Variants in CCDC66 observed in about 807,000 individuals in gnomAD.
CCDC66 encodes the protein coiled-coil domain containing 66.
CCDC66 carries 133 observed loss-of-function variants against 128.3 expected under a neutral mutation model. That is an observed-to-expected ratio of 1.04 (90% CI 0.90 to 1.20). The LOEUF (loss-of-function observed/expected upper bound fraction) is 1.20. Ranked by LOEUF, CCDC66 falls within the 50% of genes most tolerant of loss-of-function variation. CCDC66 has a pLI of 0.00. For missense variants in CCDC66, 1,126 were observed against 1,075.5 expected (o/e 1.05, Z -0.66); for synonymous variants, 387 against 357.0 (o/e 1.08, Z -0.95).
In CCDC66 at chr3:56,566,985, C is replaced by T; in HGVS notation, c.746C>T (p.Thr249Ile). 6.2e-7 allele frequency: 1 copy of T among 1,614,042 alleles called. No individual in the cohort carries two copies. The highest frequency in any genetic ancestry group is 8.5e-7 in the Non-Finnish European group (1 of 1,179,984). Residue 249 changes from threonine to isoleucine, a missense_variant, in exon 6 of 18, where the codon ACT becomes ATT. Coordinates refer to ENST00000394672, the MANE Select transcript of CCDC66 (RefSeq NM_001141947.3). The stretch of plus-strand genomic sequence containing the variant: ...TGGAAACCAGCTGATATATTCAGTA[C>T]TCTGGGGGAAAGGGAATGTGATAGA... ...NEWKPADIFS[T>I]LGERECDRSS...
chr3:56,615,283 A>C lies in CCDC66; in HGVS notation c.1711+11A>C. On this transcript the variant is annotated intron_variant, in intron 12 of 17. Transcript: ENST00000394672. ...TTAAAAATCTTGGTGGTAAGGGCCT[A>C]ACCAGAACTTTATTTATAATATTTT... 1 of 1,584,342 alleles carries C rather than the reference A, an allele frequency of 6.3e-7. No individual in the cohort carries two copies. Among genetic ancestry groups the C allele is most frequent in the Non-Finnish European group, 8.5e-7 (1 of 1,169,984 alleles).
intron 10 of CCDC66, among the ~76,000 whole-genome samples, chr3:56,597,761 T>C (rs1197450081): frequency 6.8e-6 from 1 of 147,240 alleles, no homozygotes; most frequent in Non-Finnish European, 1.5e-5. Flanking sequence ...TTGTGGAGTC[T>C]AGGTTTTGTT....
rs772031242 is a variant in CCDC66 at position 56,618,148 on chromosome 3, TG to T, written c.2338-23del. The T allele has an allele frequency of 1.9e-6, 3 of 1,586,640 alleles. No homozygotes were observed. The East Asian group carries it at 6.7e-5, about 35-fold the overall frequency. ...TGTGAAGATGCTATATATTCCTTTC[TG>T]CATTTATCTATCCATATTTTAGGAA... On this transcript the variant is annotated intron_variant, in intron 14 of 17. Transcript: ENST00000394672.
intron 10 of CCDC66, among the ~76,000 whole-genome samples, chr3:56,595,785 T>G (rs2071775292): frequency 6.6e-6 from 1 of 152,230 alleles, no homozygotes. Flanking sequence ...CATTTTTAGT[T>G]TTTTGAGACG....
Position 56,559,578 on chromosome 3 carries a change from C to A in CCDC66, c.86C>A (p.Ser29Ter). Residue 29 changes from serine (S) to a stop codon, truncating the protein, a stop_gained, in exon 3 of 18, where the codon TCA becomes TAA. Transcript: ENST00000394672. LOFTEE classifies it high-confidence loss of function. The part of the protein sequence containing the change: ...KLILSPYEHK[S>*]KISVKMGNKA... ...CTTTTTTCTTTTGTAGAACATAAATCAAAAATTTCTGTGAAGGTAAGCCGT... is the reference window on the plus strand; with the variant it reads ...CTTTTTTCTTTTGTAGAACATAAATAAAAAATTTCTGTGAAGGTAAGCCGT... 1 of 1,535,862 alleles carries A rather than the reference C, an allele frequency of 6.5e-7. No homozygotes were observed. Among genetic ancestry groups the A allele is most frequent in the Non-Finnish European group, 8.8e-7 (1 of 1,139,556 alleles).
intron 10 of CCDC66, among the ~76,000 whole-genome samples, chr3:56,597,744 G>C (rs1442835907): frequency 7.6e-6 from 1 of 131,632 alleles, no homozygotes; most frequent in East Asian, 2.2e-4. Context: ...GATCAGATGT[G>C]AGGTTTTTGT....
At chr3:56,563,541 T>G in intron 3 of CCDC66, 143 bp from the exon 4 acceptor site, 1 of 612,974 alleles carries the variant, frequency 1.6e-6, no homozygotes, top group Non-Finnish European at 2.8e-6. Flanking sequence ...TTGCAAGTAT[T>G]AAGAGTTAGT....
chr3:56,579,101 C>A (rs906657323), intron 7 of CCDC66, among the ~76,000 whole-genome samples: 7 of 151,744 alleles, frequency 4.6e-5, no homozygotes, highest in African/African-American at 1.7e-4. Flanking sequence ...TGTTATTGGT[C>A]TATTCAGGGA....
At chr3:56,620,692 T>C (rs1379645068) in intron 17 of CCDC66, 3 of 152,232 alleles carry the variant, frequency 2.0e-5, no homozygotes, top group African/African-American at 7.2e-5. Flanking sequence ...GTTATTTCTT[T>C]AGAGTGACGA....
intron 10 of CCDC66, among the ~76,000 whole-genome samples, chr3:56,596,100 A>G (rs2071861569): frequency 6.6e-6 from 1 of 152,088 alleles, no homozygotes; most frequent in Non-Finnish European, 1.5e-5. Context: ...TTTTTCTTTT[A>G]TAGAGACACA....
intron 6 of CCDC66, among the ~76,000 whole-genome samples, chr3:56,567,939 C>G (rs987912637): frequency 6.6e-6 from 1 of 152,122 alleles, no homozygotes. Context: ...ATCCACCTGC[C>G]TCGGCCTCCC....
intron 10 of CCDC66, among the ~76,000 whole-genome samples, chr3:56,600,749 C>T (rs2107121465): frequency 6.6e-6 from 1 of 152,128 alleles, no homozygotes; most frequent in East Asian, 1.9e-4. Flanking sequence ...GAGCTTTTCT[C>T]CATATGTTTG....
At chr3:56,563,407 A>T (rs2065387741) in intron 3 of CCDC66, 3 of 256,642 alleles carry the variant, frequency 1.2e-5, no homozygotes, top group South Asian at 1.6e-4. Context: ...AAAAAAAAAA[A>T]GAGATAATGT....
chr3:56,583,701 C>T (rs1292232347), intron 7 of CCDC66, among the ~76,000 whole-genome samples: 2 of 151,928 alleles, frequency 1.3e-5, no homozygotes, highest in Non-Finnish European at 2.9e-5. Flanking sequence ...CTACTTCTTT[C>T]TACACAGACA....
intron 3 of CCDC66, among the ~76,000 whole-genome samples, chr3:56,561,619 T>G (rs1259203669): frequency 2.6e-5 from 4 of 152,250 alleles, no homozygotes; most frequent in African/African-American, 9.6e-5. Context: ...TATTGATTGT[T>G]TTCAAGAAGT....
intron 7 of CCDC66, among the ~76,000 whole-genome samples, chr3:56,576,563 C>G (rs192302591): frequency 1.6e-5 from 2 of 126,436 alleles, no homozygotes; most frequent in South Asian, 3.2e-4. Context: ...TCCCTCCCCC[C>G]ACCCCACGAC....
intron 10 of CCDC66, among the ~76,000 whole-genome samples, chr3:56,612,031 A>G (rs765642123): frequency 7.9e-5 from 12 of 152,112 alleles, no homozygotes; most frequent in Admixed American, 1.3e-4. Flanking sequence ...AAAATTCACA[A>G]TGCAAGCCTC....
chr3:56,577,994 A>G (rs958416961), intron 7 of CCDC66, among the ~76,000 whole-genome samples: 3 of 151,834 alleles, frequency 2.0e-5, no homozygotes, highest in Non-Finnish European at 2.9e-5. Context: ...CATTGAATCT[A>G]TACATTACTT....
rs1233272646 is a variant in CCDC66 at position 56,563,965 on chromosome 3, T to G, written c.384T>G (p.Ser128=). The part of the protein sequence containing the change: ...MQKTRNTVNT[S]LVGKQKPHKK... ...AGACTAGAAACACCGTAAATACATC[T>G]CTAGTAGGTAAACAGAAGCCTCACA... is the stretch of plus-strand genomic sequence containing the variant. The change falls in exon 4 of 18, where the codon TCT becomes TCG. Residue 128 remains serine, a synonymous_variant. Transcript: ENST00000394672. 6 of 1,613,942 alleles carry G rather than the reference T, an allele frequency of 3.7e-6. No homozygotes were observed. The South Asian group carries it at 6.6e-5, about 18-fold the overall frequency.
Sources: gnomAD v4.1 joint callset for allele counts (sites outside exome capture counted in the v4.1 genomes callset) on GRCh38, gnomAD v4.1.1 for gene constraint, MANE v1.5 for transcripts, NCBI Gene and HGNC (gene_info 2026-07-23, HGNC 2026-07-21) for gene names.